CPNE5: variants seen among roughly 807,000 people sequenced by gnomAD.
CPNE5 encodes copine-5.
CPNE5 carries 42 observed loss-of-function variants against 81.1 expected under a neutral mutation model. The observed-to-expected ratio is 0.52, with a 90% CI of 0.40 to 0.67. The LOEUF (loss-of-function observed/expected upper bound fraction) is 0.67, where lower values mean the gene tolerates loss of function less well. CPNE5 is among the 30% of genes least tolerant of loss of function. The pLI is 0.00. For synonymous variants in CPNE5, 313 were observed against 321.5 expected, an observed-to-expected ratio of 0.97 and a Z score of 0.28; for missense variants, 612 against 815.5, an observed-to-expected ratio of 0.75 and a Z score of 3.04.
chr6:36,759,863 G>A (rs1439757380), intron 12 of CPNE5, among the ~76,000 whole-genome samples: 4 of 151,902 alleles, frequency 2.6e-5, no homozygotes, highest in Non-Finnish European at 5.9e-5. Context: ...AGAGGGAAGG[G>A]GCAGGGGCCA....
chr6:36,829,850 CAAAA>C (rs1224687378), intron 1 of CPNE5, among the ~76,000 whole-genome samples: 1 of 47,360 alleles, frequency 2.1e-5, no homozygotes, highest in Non-Finnish European at 4.1e-5. Flanking sequence ...GTAGGAATTG[CAAAA>C]AAAAAAAAAA....
intron 3 of CPNE5, among the ~76,000 whole-genome samples, chr6:36,811,964 G>A (rs993421729): frequency 2.4e-4 from 36 of 151,638 alleles, no homozygotes; most frequent in Non-Finnish European, 5.3e-4. Context: ...ATTAGCTGGG[G>A]GTGGTGGCAT....
intron 18 of CPNE5, chr6:36,744,615 G>A (rs1473452997): frequency 3.3e-5 from 17 of 510,888 alleles, no homozygotes; most frequent in South Asian, 2.0e-4. Context: ...GGAGACCACC[G>A]GCTTGGGGAG....
intron 11 of CPNE5, among the ~76,000 whole-genome samples, chr6:36,764,045 G>A (rs1476349637): frequency 1.3e-5 from 2 of 152,048 alleles, no homozygotes; most frequent in African/African-American, 2.4e-5. Flanking sequence ...GCATCCAGCC[G>A]GAGACTGATG....
chr6:36,752,782 A>C (rs754248323), intron 14 of CPNE5, among the ~76,000 whole-genome samples: 1 of 152,158 alleles, frequency 6.6e-6, no homozygotes, highest in Non-Finnish European at 1.5e-5. Flanking sequence ...CTGTCTCTGC[A>C]TGGAGACCTG....
In CPNE5 at chr6:36,768,234, T is replaced by C. The variant is rs1259756555; in HGVS notation, c.738-2858A>G. ...TACTCTATTCACAGTTCTTTTTTTT[T>C]TTTTTTTTTTTTTTTTTTGAGACAG... is the stretch of plus-strand genomic sequence containing the variant. On this transcript the variant is annotated intron_variant, in intron 10 of 20. Coordinates refer to ENST00000244751, the MANE Select transcript of CPNE5 (RefSeq NM_020939.2). Among the ~76,000 whole-genome samples, 16 of 106,010 alleles carry C rather than the reference T, an allele frequency of 1.5e-4. 2 individuals are homozygous for C. Among genetic ancestry groups the C allele is most frequent in the East Asian group, 1.1e-3 (4 of 3,490 alleles). The allele number at this position is 106,010 out of a possible 152,430, so 69.5% of individuals were successfully genotyped here. A position where few individuals can be genotyped will look rare whatever the true frequency, so the allele number is the denominator to read the frequency against.
chr6:36,796,329 C>T (rs533368391), intron 6 of CPNE5, among the ~76,000 whole-genome samples: 86 of 152,350 alleles, frequency 5.6e-4, no homozygotes, highest in Non-Finnish European at 1.1e-3. Context: ...CCTCAATACT[C>T]CCCCACCCCC....
chr6:36,816,414 C>T (rs765681537), intron 3 of CPNE5, among the ~76,000 whole-genome samples: 11 of 152,170 alleles, frequency 7.2e-5, no homozygotes, highest in Admixed American at 2.6e-4. Flanking sequence ...AGCTGAAAGC[C>T]GGCAGCCAGG....
intron 14 of CPNE5, among the ~76,000 whole-genome samples, chr6:36,751,127 C>T (rs1172230239): frequency 6.6e-6 from 1 of 152,216 alleles, no homozygotes; most frequent in Non-Finnish European, 1.5e-5. Flanking sequence ...CTCTCAGTCC[C>T]TGGAGCCAGC....
In CPNE5 at chr6:36,742,175, G is replaced by C; in HGVS notation, c.*93C>G. The C allele has an allele frequency of 1.0e-6, 1 of 970,276 alleles. No homozygotes were observed. The highest frequency in any genetic ancestry group is 1.5e-6 in the Non-Finnish European group (1 of 662,878). 60.1% of individuals were successfully genotyped at this position (970,276 alleles called of 1,614,324 possible). ...TCCCAGGCACACAGATGTCCCAAAG[G>C]CCGGGCAGGCCAACTTCGGGGAGTC... On this transcript the variant is annotated 3_prime_UTR_variant, in exon 21 of 21. Transcript: ENST00000244751.
intron 6 of CPNE5, among the ~76,000 whole-genome samples, chr6:36,797,514 C>G (rs978201769): frequency 1.3e-5 from 2 of 152,214 alleles, no homozygotes; most frequent in Admixed American, 1.3e-4. Flanking sequence ...AGGCAAGGGC[C>G]CTGCCCCTGG....
chr6:36,825,621 A>G (rs145389684), intron 1 of CPNE5, among the ~76,000 whole-genome samples: 1 of 152,266 alleles, frequency 6.6e-6, no homozygotes, highest in East Asian at 1.9e-4. Context: ...AACGATAAAC[A>G]AGGCATCTCT....
At chr6:36,756,035 G>A in intron 13 of CPNE5, 1 of 570,612 alleles carries the variant, frequency 1.8e-6, no homozygotes, top group Non-Finnish European at 3.1e-6. Flanking sequence ...GCTAGATACA[G>A]CCAGCGCCTG....
At chr6:36,778,040 T>A (rs1770559570) in intron 9 of CPNE5, among the ~76,000 whole-genome samples, 1 of 152,130 alleles carries the variant, frequency 6.6e-6, no homozygotes, top group Non-Finnish European at 1.5e-5. Flanking sequence ...AATCCCAGCC[T>A]GTAAGTGGCC....
At chr6:36,769,210 C>A (rs1238716501) in intron 10 of CPNE5, among the ~76,000 whole-genome samples, 1 of 152,148 alleles carries the variant, frequency 6.6e-6, no homozygotes, top group Non-Finnish European at 1.5e-5. Flanking sequence ...CTCCTAGCAA[C>A]GTGATGAAAT....
chr6:36,798,041 A>T (rs1769750853), intron 6 of CPNE5, 124 bp downstream of exon 6: 1 of 708,808 alleles, frequency 1.4e-6, no homozygotes, highest in African/African-American at 1.8e-5. Flanking sequence ...GGGTCTCTTT[A>T]TTCCTAATAA....
intron 7 of CPNE5, 82 bp from the exon 8 acceptor site, chr6:36,792,178 C>T: frequency 7.5e-7 from 1 of 1,337,040 alleles, no homozygotes; most frequent in Non-Finnish European, 1.1e-6. Context: ...CAGCCCCCTG[C>T]CCATCCTCCC....
intron 3 of CPNE5, among the ~76,000 whole-genome samples, chr6:36,814,523 G>T (rs938155564): frequency 2.0e-5 from 3 of 152,104 alleles, no homozygotes. Context: ...AACTCAGTAC[G>T]AATTAAGTCA....
intron 3 of CPNE5, among the ~76,000 whole-genome samples, chr6:36,805,067 G>C (rs6935385): frequency 1.3e-5 from 2 of 152,060 alleles, no homozygotes; most frequent in Non-Finnish European, 2.9e-5. Context: ...GTCCTGTCAG[G>C]CCCAATTTAT....
Sources: allele counts gnomAD v4.1 joint callset (sites outside exome capture counted in the v4.1 genomes callset), GRCh38; gene constraint gnomAD v4.1.1; transcripts MANE v1.5; gene names NCBI Gene and HGNC (gene_info 2026-07-23, HGNC 2026-07-21).